THSD4: variants seen among roughly 807,000 people sequenced by gnomAD.
THSD4 encodes thrombospondin type-1 domain-containing protein 4.
THSD4 carries 69 observed loss-of-function variants against 119.0 expected under a neutral mutation model. The observed-to-expected ratio is 0.58, with a 90% CI of 0.48 to 0.71. The LOEUF is 0.71. Among genes scored for constraint, THSD4 ranks in the 30% least tolerant of loss-of-function variants. The pLI is 0.00. For missense variants in THSD4, 1,393 were observed against 1,391.1 expected, an observed-to-expected ratio of 1.00 and a Z score of -0.02; for synonymous variants, 524 against 540.4, an observed-to-expected ratio of 0.97 and a Z score of 0.42.
intron 7 of THSD4, among the ~76,000 whole-genome samples, chr15:71,442,662 A>ATGTATGTATGTATATATG (rs1293956011): frequency 2.8e-5 from 1 of 36,052 alleles, no homozygotes; most frequent in African/African-American, 8.8e-5. Context: ...GTGTGTGTGT[A>ATGTATGTATGTATATATG]TATATATATA....
chr15:71,503,206 A>C (rs556174936), intron 7 of THSD4, among the ~76,000 whole-genome samples: 2 of 152,292 alleles, frequency 1.3e-5, no homozygotes, highest in African/African-American at 4.8e-5. Flanking sequence ...AGGCAGCGGG[A>C]ACAGCACGTG....
intron 7 of THSD4, among the ~76,000 whole-genome samples, chr15:71,604,509 A>C (rs1232417752): frequency 6.6e-6 from 1 of 152,234 alleles, no homozygotes. Flanking sequence ...TTTAAATCCA[A>C]GAGATGACCT....
At chr15:71,138,697 G>A (rs586491) in intron 1 of THSD4, among the ~76,000 whole-genome samples, 14,774 of 151,924 alleles carry the variant, frequency 0.097, 1,925 homozygotes, top group African/African-American at 0.3. Flanking sequence ...AAGCCACCAC[G>A]TATAGGCCAC....
intron 7 of THSD4, among the ~76,000 whole-genome samples, chr15:71,525,834 GC>G (rs1209676213): frequency 1.3e-5 from 2 of 152,154 alleles, no homozygotes; most frequent in African/African-American, 4.8e-5. Context: ...GCTGGTGAGA[GC>G]TTTGCCTTAG....
At position 71,571,560 on chromosome 15, in the gene THSD4, G is replaced by C. The variant is rs545179148; in HGVS notation, c.1153-88970G>C. Among the ~76,000 whole-genome samples, 3 of 152,250 alleles carry C rather than the reference G, an allele frequency of 2.0e-5. No individual in the cohort carries two copies. In the South Asian group the frequency reaches 6.2e-4, roughly 32 times the overall value. On this transcript the variant is annotated intron_variant, in intron 7 of 17. Coordinates refer to ENST00000261862, the MANE Select transcript of THSD4 (RefSeq NM_024817.3). The stretch of plus-strand genomic sequence containing the variant: ...GCAAGGTCGCCTCACCAAATCCCCA[G>C]ATGTCTGGTATGCTTTTCGAAAAAT...
chr15:71,473,151 G>GGC (rs1356336673), intron 7 of THSD4, among the ~76,000 whole-genome samples: 4 of 151,050 alleles, frequency 2.6e-5, no homozygotes, highest in African/African-American at 9.8e-5. Flanking sequence ...CTGCCTTGCA[G>GGC]GCGCAAGCAA....
intron 7 of THSD4, among the ~76,000 whole-genome samples, chr15:71,527,866 C>T (rs368801795): frequency 2.0e-5 from 3 of 151,882 alleles, no homozygotes; most frequent in Non-Finnish European, 4.4e-5. Flanking sequence ...GTGCACACCA[C>T]CACACTCAGC....
At chr15:71,504,691 T>C (rs948387740) in intron 7 of THSD4, among the ~76,000 whole-genome samples, 1 of 152,252 alleles carries the variant, frequency 6.6e-6, no homozygotes, top group Non-Finnish European at 1.5e-5. Flanking sequence ...CCAGTTTCAG[T>C]GTCCCCTAGT....
At chr15:71,427,867 A>G (rs1388373848) in intron 7 of THSD4, among the ~76,000 whole-genome samples, 1 of 152,070 alleles carries the variant, frequency 6.6e-6, no homozygotes, top group African/African-American at 2.4e-5. Context: ...GATGTCCAAC[A>G]TTAAAACAGA....
intron 1 of THSD4, among the ~76,000 whole-genome samples, chr15:71,141,000 A>G (rs1399833776): frequency 3.3e-5 from 5 of 152,270 alleles, no homozygotes; most frequent in Admixed American, 2.6e-4. Context: ...AATGTTTTCA[A>G]GGTTCATCCC....
chr15:71,425,043 C>T (rs905212497), intron 7 of THSD4, among the ~76,000 whole-genome samples: 8 of 151,984 alleles, frequency 5.3e-5, no homozygotes, highest in Admixed American at 2.0e-4. Flanking sequence ...TGGTTGAGAA[C>T]GAACAGAACT....
intron 8 of THSD4, among the ~76,000 whole-genome samples, chr15:71,722,556 C>A (rs2052742339): frequency 6.6e-6 from 1 of 152,098 alleles, no homozygotes; most frequent in Non-Finnish European, 1.5e-5. Context: ...GAACCTACCT[C>A]AATTCTGCAT....
intron 6 of THSD4, among the ~76,000 whole-genome samples, chr15:71,364,755 C>T (rs1220312877): frequency 1.3e-5 from 2 of 152,126 alleles, no homozygotes; most frequent in African/African-American, 4.8e-5. Flanking sequence ...TTCTTTTTAG[C>T]CTTTGCATAG....
rs570779616 is a variant in THSD4 at position 71,666,731 on chromosome 15, A to C, written c.1357+5997A>C. Among the ~76,000 whole-genome samples the C allele has an allele frequency of 6.6e-5, 10 of 152,380 alleles. No homozygotes were observed. The South Asian group carries it at 2.1e-3, about 32-fold the overall frequency. ...TATGAAAATTAAAATTTAAAACTTAAAAACTAAATAGAAAACGGAGGCATG... is the reference window on the plus strand; with the variant it reads ...TATGAAAATTAAAATTTAAAACTTACAAACTAAATAGAAAACGGAGGCATG... On this transcript the variant is annotated intron_variant, in intron 8 of 17. Coordinates refer to ENST00000261862, the MANE Select transcript of THSD4 (RefSeq NM_024817.3).
chr15:71,183,793 G>T (rs2043564472), intron 3 of THSD4: 1 of 151,732 alleles, frequency 6.6e-6, no homozygotes, highest in South Asian at 2.1e-4. Flanking sequence ...TTGTGGACCA[G>T]ATAATTATTT....
chr15:71,385,139 C>A (rs1277811057), intron 6 of THSD4, among the ~76,000 whole-genome samples: 1 of 152,128 alleles, frequency 6.6e-6, no homozygotes, highest in Non-Finnish European at 1.5e-5. Context: ...TGGATCCAGT[C>A]CAGTTGCTTT....
intron 3 of THSD4, among the ~76,000 whole-genome samples, chr15:71,176,042 T>A (rs2043446444): frequency 9.0e-6 from 1 of 111,616 alleles, no homozygotes; most frequent in African/African-American, 3.5e-5. Context: ...CATGCCAAAA[T>A]GTAAAGACCA....
intron 7 of THSD4, among the ~76,000 whole-genome samples, chr15:71,480,204 T>C (rs2047709433): frequency 6.6e-6 from 1 of 152,170 alleles, no homozygotes; most frequent in African/African-American, 2.4e-5. Flanking sequence ...GCCTGGCTAA[T>C]TTTTGTTATT....
intron 7 of THSD4, among the ~76,000 whole-genome samples, chr15:71,607,622 C>G (rs1186981226): frequency 6.6e-6 from 1 of 152,156 alleles, no homozygotes; most frequent in Non-Finnish European, 1.5e-5. Flanking sequence ...CTTACCCAAC[C>G]CCCAGTCACA....
Sources: gnomAD v4.1 joint callset for allele counts (sites outside exome capture counted in the v4.1 genomes callset) on GRCh38, gnomAD v4.1.1 for gene constraint, MANE v1.5 for transcripts, NCBI Gene and HGNC (gene_info 2026-07-23, HGNC 2026-07-21) for gene names.